Variants in AMMECR1 observed in about 807,000 individuals in gnomAD.
The protein encoded by AMMECR1 is nuclear protein AMMECR1.
Under a neutral mutation model 22.5 loss-of-function variants are expected in AMMECR1, and 3 were observed. The observed-to-expected ratio is 0.13, with a 90% CI of 0.06 to 0.35. The LOEUF is 0.35. Ranked by LOEUF, AMMECR1 falls within the 10% of genes least tolerant of loss-of-function variation. AMMECR1 has a pLI of 1.00. For missense variants in AMMECR1, 235 were observed against 278.7 expected (o/e 0.84, Z 1.12); for synonymous variants, 130 against 116.7 (o/e 1.11, Z -0.74).
chrX:110,263,092 T>C (rs2067750216), intron 2 of AMMECR1, among the ~76,000 whole-genome samples: 1 of 111,385 alleles, frequency 9.0e-6, no homozygotes, highest in South Asian at 3.7e-4. Context: ...TTGGGAAATG[T>C]ACAATAAATT....
At chrX:110,344,163 A>G (rs2068177705) in intron 2 of AMMECR1, among the ~76,000 whole-genome samples, 1 of 111,959 alleles carries the variant, frequency 8.9e-6, no homozygotes, top group Non-Finnish European at 1.9e-5. Context: ...CCAATGGAAC[A>G]CAACAGAGCC....
At chrX:110,324,950 G>A (rs2068092475) in intron 2 of AMMECR1, among the ~76,000 whole-genome samples, 1 of 110,727 alleles carries the variant, frequency 9.0e-6, no homozygotes, top group African/African-American at 3.3e-5. Flanking sequence ...TCAGTGGTCT[G>A]AGTTTTCTTT....
At chrX:110,311,097 T>G (rs1351832177) in intron 1 of AMMECR1, among the ~76,000 whole-genome samples, 1 of 112,070 alleles carries the variant, frequency 8.9e-6, no homozygotes, top group African/African-American at 3.2e-5. Flanking sequence ...AGAGTGCAAG[T>G]TGCTGACTGA....
intron 2 of AMMECR1, chrX:110,347,029 A>G (rs771811037): frequency 9.4e-5 from 42 of 447,151 alleles, no homozygotes; most frequent in Non-Finnish European, 1.1e-4. Flanking sequence ...CAGCATTCCT[A>G]TACATTGATG....
chrX:110,349,921 T>C (rs1050009235), intron 2 of AMMECR1, among the ~76,000 whole-genome samples: 1 of 112,030 alleles, frequency 8.9e-6, no homozygotes, highest in East Asian at 2.8e-4. Context: ...AAGTCCTGTA[T>C]GTGTCTCCCA....
At chrX:110,319,218 A>G (rs922333219), upstream of AMMECR1, among the ~76,000 whole-genome samples, 1 of 112,533 alleles carries the variant, frequency 8.9e-6, no homozygotes, top group Non-Finnish European at 1.9e-5. Flanking sequence ...CAATAATCAA[A>G]TGTTAAAATT....
intron 1 of AMMECR1, among the ~76,000 whole-genome samples, chrX:110,434,024 G>A (rs1358803134): frequency 9.0e-6 from 1 of 111,486 alleles, no homozygotes; most frequent in East Asian, 2.8e-4. Flanking sequence ...ACGTATCTGG[G>A]GAAGTTGAGG....
chrX:110,210,390 T>C (rs979954064), intron 3 of AMMECR1, among the ~76,000 whole-genome samples: 8 of 112,049 alleles, frequency 7.1e-5, no homozygotes, highest in African/African-American at 2.6e-4. Context: ...GAAGCTCATA[T>C]TTTTTAAGTT....
rs35459612 is a variant in AMMECR1 at position 110,339,973 on chromosome X, TACACACACACACACACAC to T, written c.-147-22142_-147-22125del. Among the ~76,000 whole-genome samples the T allele has an allele frequency of 2.0e-4, 16 of 78,799 alleles. No individual in the cohort carries two copies. The South Asian group carries it at 9.0e-3, about 44-fold the overall frequency. The allele number at this position is 78,799 out of a possible 115,157, so 68.4% of individuals were successfully genotyped here. A position where few individuals can be genotyped will look rare whatever the true frequency, so the allele number is the denominator to read the frequency against. On this transcript the variant is annotated intron_variant, in intron 2 of 7. Coordinates refer to the AMMECR1 transcript ENST00000372057. ...TTTTGCTGTAGTTGAAGGCAAAACA[TACACACACACACACACAC>T]ACACACACACACACACACACACACA...
At chrX:110,213,909 T>C (rs1049624328) in intron 3 of AMMECR1, among the ~76,000 whole-genome samples, 2 of 110,981 alleles carry the variant, frequency 1.8e-5, no homozygotes, top group Non-Finnish European at 3.8e-5. Flanking sequence ...CTTTTCCTCT[T>C]AGCATAGCCA....
At position 110,197,220 on chromosome X, in the gene AMMECR1, A is replaced by T. The variant is rs1253711417; in HGVS notation, c.*1300T>A. On this transcript the variant is annotated 3_prime_UTR_variant, in exon 6 of 6. Transcript: ENST00000262844. ...TTTCACAGGTGTGACATAACATCTT[A>T]TCAATGTAGTAAATGTGTTTCTATC... is the stretch of plus-strand genomic sequence containing the variant. 1.8e-5 allele frequency: 2 copies of T among 112,412 alleles called. No individual in the cohort carries two copies. The highest frequency in any genetic ancestry group is 3.8e-5 in the Non-Finnish European group (2 of 53,209). 9.3% of individuals were successfully genotyped at this position (112,412 alleles called of 1,213,427 possible).
chrX:110,306,565 T>A (rs1019750880), intron 1 of AMMECR1, among the ~76,000 whole-genome samples: 3 of 110,274 alleles, frequency 2.7e-5, no homozygotes, highest in Non-Finnish European at 1.9e-5. Flanking sequence ...TTCAAGCGAT[T>A]CTCCTACCTC....
At position 110,198,043 on chromosome X, in the gene AMMECR1, C is replaced by T. The variant is rs2067378996; in HGVS notation, c.*477G>A. ...AATCCCAAACTCAGGTATCAAAAAA[C>T]AACTATCTTACTGAGGAAAACTAAA... On this transcript the variant is annotated 3_prime_UTR_variant, in exon 6 of 6. Transcript: ENST00000262844. 1 of 111,305 alleles carries T rather than the reference C, an allele frequency of 9.0e-6. No homozygotes were observed. Among genetic ancestry groups the T allele is most frequent in the African/African-American group, 3.3e-5 (1 of 30,562 alleles). 9.2% of individuals were successfully genotyped at this position (111,305 alleles called of 1,213,427 possible).
chrX:110,203,323 C>A (rs1231264026), intron 3 of AMMECR1, among the ~76,000 whole-genome samples: 2 of 111,588 alleles, frequency 1.8e-5, no homozygotes, highest in African/African-American at 6.5e-5. Flanking sequence ...AAAAGGTAGT[C>A]TTCTAAGTAA....
At chrX:110,411,203 A>C (rs1197906105) in intron 2 of AMMECR1, among the ~76,000 whole-genome samples, 1 of 111,937 alleles carries the variant, frequency 8.9e-6, no homozygotes, top group Non-Finnish European at 1.9e-5. Context: ...GTTCAAGTGC[A>C]CCAGAGAATG....
intron 2 of AMMECR1, among the ~76,000 whole-genome samples, chrX:110,402,938 G>A (rs895424099): frequency 3.6e-5 from 4 of 112,084 alleles, no homozygotes; most frequent in Non-Finnish European, 7.5e-5. Context: ...GGGTTCACTG[G>A]GTGTTCCCCT....
intron 1 of AMMECR1, among the ~76,000 whole-genome samples, chrX:110,272,772 G>C (rs2067806081): frequency 9.0e-6 from 1 of 111,679 alleles, no homozygotes. Context: ...ATGGTATTTG[G>C]CTGTTTCTTA....
At chrX:110,416,116 T>C (rs777104262) in intron 2 of AMMECR1, among the ~76,000 whole-genome samples, 43 of 111,146 alleles carry the variant, frequency 3.9e-4, no homozygotes, top group Middle Eastern at 4.6e-3. Context: ...TTTGGAGATA[T>C]CTCATTTAAA....
At chrX:110,408,934 T>C (rs74996434) in intron 2 of AMMECR1, among the ~76,000 whole-genome samples, 1 of 112,053 alleles carries the variant, frequency 8.9e-6, no homozygotes, top group Non-Finnish European at 1.9e-5. Context: ...AGAAATTTAA[T>C]TTCAGGATAG....
Sources: gnomAD v4.1 joint callset for allele counts (sites outside exome capture counted in the v4.1 genomes callset) on GRCh38, gnomAD v4.1.1 for gene constraint, MANE v1.5 for transcripts, NCBI Gene and HGNC (gene_info 2026-07-23, HGNC 2026-07-21) for gene names.